The following DLC1 variants were observed in gnomAD, a reference collection of about 807,000 sequenced individuals.
DLC1 encodes the protein DLC1 Rho GTPase activating protein.
Under a neutral mutation model 140.3 loss-of-function variants are expected in DLC1, and 54 were observed. The observed-to-expected ratio is 0.38, with a 90% CI of 0.31 to 0.48. DLC1 has a LOEUF of 0.48. Among genes scored for constraint, DLC1 ranks in the 20% least tolerant of loss-of-function variants. The pLI is 0.96. For synonymous variants in DLC1, 986 were observed against 728.1 expected (o/e 1.35, Z -5.70); for missense variants, 2,536 against 1,907.0 (o/e 1.33, Z -6.14).
At chr8:13,409,665 G>C (rs1035067388) in intron 2 of DLC1, among the ~76,000 whole-genome samples, 4 of 152,170 alleles carry the variant, frequency 2.6e-5, no homozygotes, top group Admixed American at 6.6e-5. Flanking sequence ...GGGTATATCA[G>C]ACGAAACCCT....
intron 5 of DLC1, among the ~76,000 whole-genome samples, chr8:13,180,546 A>G (rs1470998787): frequency 6.6e-6 from 1 of 152,194 alleles, no homozygotes; most frequent in Non-Finnish European, 1.5e-5. Flanking sequence ...GACCATGGGT[A>G]GAAAGAACAC....
At position 13,353,888 on chromosome 8, in the gene DLC1, A is replaced by T. The variant is rs549478682; in HGVS notation, c.1314+39665T>A. Among the ~76,000 whole-genome samples the T allele has an allele frequency of 2.0e-5, 3 of 152,112 alleles. 1 individual carries two copies. In the South Asian group the frequency reaches 6.2e-4, roughly 32 times the overall value. ...AAAAAAAAAAAGATTTTTCTCAAAT[A>T]CTTTGTAACGTGCCACACTATGAGT... is the stretch of plus-strand genomic sequence containing the variant. On this transcript the variant is annotated intron_variant, in intron 4 of 17. Coordinates refer to ENST00000276297, the MANE Select transcript of DLC1 (RefSeq NM_182643.3).
At chr8:13,364,507 G>A (rs1835390188) in intron 4 of DLC1, among the ~76,000 whole-genome samples, 1 of 152,056 alleles carries the variant, frequency 6.6e-6, no homozygotes, top group South Asian at 2.1e-4. Context: ...ATGTTGCTCA[G>A]GCTGGTCTCG....
intron 2 of DLC1, among the ~76,000 whole-genome samples, chr8:13,447,137 C>T (rs1047744028): frequency 6.6e-6 from 1 of 152,056 alleles, no homozygotes; most frequent in Non-Finnish European, 1.5e-5. Flanking sequence ...TGCTATGAGT[C>T]TCCATTTATT....
intron 5 of DLC1, among the ~76,000 whole-genome samples, chr8:13,209,464 ATTAAAGCTTAT>A (rs1221519725): frequency 6.6e-6 from 1 of 152,162 alleles, no homozygotes; most frequent in Non-Finnish European, 1.5e-5. Context: ...GTCTGACAAA[ATTAAAGCTTAT>A]TTGAGATTAT....
At chr8:13,567,856 G>C in intron 1 of DLC1, 10 of 1,551,830 alleles carry the variant, frequency 6.4e-6, no homozygotes, top group Non-Finnish European at 7.8e-6. Flanking sequence ...GCAGCGAGAT[G>C]GAAATAGTGC....
At chr8:13,302,427 T>C (rs1316866506) in intron 5 of DLC1, among the ~76,000 whole-genome samples, 2 of 152,192 alleles carry the variant, frequency 1.3e-5, no homozygotes, top group Non-Finnish European at 2.9e-5. Flanking sequence ...CCTTTGAAGA[T>C]TTCTGTCATC....
chr8:13,573,516 T>C (rs1026017064), intron 1 of DLC1, among the ~76,000 whole-genome samples: 1 of 152,196 alleles, frequency 6.6e-6, no homozygotes, highest in Non-Finnish European at 1.5e-5. Flanking sequence ...GAAAGTGGAA[T>C]CTTTGTTTTG....
intron 5 of DLC1, among the ~76,000 whole-genome samples, chr8:13,233,359 A>T (rs1020944159): frequency 6.6e-6 from 1 of 151,030 alleles, no homozygotes; most frequent in Non-Finnish European, 1.5e-5. Context: ...GACTATTGCA[A>T]AATAGATATT....
intron 5 of DLC1, among the ~76,000 whole-genome samples, chr8:13,117,623 C>T (rs1358197346): frequency 1.3e-5 from 2 of 152,236 alleles, no homozygotes; most frequent in Non-Finnish European, 2.9e-5. Flanking sequence ...AGGTTATTTT[C>T]ATTGAACAGA....
At chr8:13,349,640 G>C (rs1834543350) in intron 4 of DLC1, among the ~76,000 whole-genome samples, 1 of 152,138 alleles carries the variant, frequency 6.6e-6, no homozygotes, top group Admixed American at 6.5e-5. Context: ...GAAACATATA[G>C]CCAGAGCTCA....
intron 4 of DLC1, among the ~76,000 whole-genome samples, chr8:13,312,339 C>A (rs113348323): frequency 0.018 from 1,417 of 80,384 alleles, 93 homozygotes; most frequent in African/African-American, 0.064. Context: ...CCAGCCTGGG[C>A]GACAGAGCGA....
Position 13,083,848 on chromosome 8 carries a change from G to A in DLC1, c.*1963C>T, listed in dbSNP as rs540236196. 364 of 152,752 alleles carry A rather than the reference G, an allele frequency of 2.4e-3. No individual in the cohort carries two copies. The highest frequency in any genetic ancestry group is 8.0e-3 in the African/African-American group (334 of 41,564). 9.5% of individuals were successfully genotyped at this position (152,752 alleles called of 1,614,324 possible). A position where few individuals can be genotyped will look rare whatever the true frequency, so the allele number is the denominator to read the frequency against. On this transcript the variant is annotated 3_prime_UTR_variant, in exon 18 of 18. Coordinates refer to ENST00000276297, the MANE Select transcript of DLC1 (RefSeq NM_182643.3). ...TTTTGATTGTAGTTGATGCTAAAAT[G>A]CTATGCTTTGCAATCTGTGGTTTTA...
intron 2 of DLC1, among the ~76,000 whole-genome samples, chr8:13,410,131 A>G (rs1007145486): frequency 1.3e-5 from 2 of 152,178 alleles, no homozygotes; most frequent in Admixed American, 6.5e-5. Flanking sequence ...CATTTATAAC[A>G]TTTCAAACTG....
chr8:13,205,375 G>C (rs1827609913), intron 5 of DLC1, among the ~76,000 whole-genome samples: 1 of 152,170 alleles, frequency 6.6e-6, no homozygotes, highest in Non-Finnish European at 1.5e-5. Context: ...GATTAATGCT[G>C]ATTCCTACTT....
chr8:13,439,388 T>C (rs895622256), intron 2 of DLC1, among the ~76,000 whole-genome samples: 1 of 152,172 alleles, frequency 6.6e-6, no homozygotes, highest in Non-Finnish European at 1.5e-5. Context: ...AGTAGTTTAC[T>C]GACCTCTGCC....
At chr8:13,587,390 C>A (rs1032869699) in intron 1 of DLC1, among the ~76,000 whole-genome samples, 1 of 151,866 alleles carries the variant, frequency 6.6e-6, no homozygotes, top group Non-Finnish European at 1.5e-5. Flanking sequence ...CAGACACTTT[C>A]CAAACAAAGC....
chr8:13,434,129 G>C (rs550293477), intron 2 of DLC1, among the ~76,000 whole-genome samples: 3 of 152,182 alleles, frequency 2.0e-5, no homozygotes, highest in Admixed American at 1.3e-4. Flanking sequence ...CACCTGCCTC[G>C]GCCTCCCAAA....
chr8:13,597,096 G>A (rs1394082566), intron 1 of DLC1, among the ~76,000 whole-genome samples: 1 of 151,746 alleles, frequency 6.6e-6, no homozygotes, highest in African/African-American at 2.4e-5. Context: ...ATGTCCACTT[G>A]GACTTTGACT....
Sources: gnomAD v4.1 joint callset for allele counts (sites outside exome capture counted in the v4.1 genomes callset) on GRCh38, gnomAD v4.1.1 for gene constraint, MANE v1.5 for transcripts, NCBI Gene and HGNC (gene_info 2026-07-23, HGNC 2026-07-21) for gene names.